TNRC6A: variants seen among roughly 807,000 people sequenced by gnomAD.
TNRC6A encodes trinucleotide repeat-containing gene 6A protein.
In TNRC6A, 44 loss-of-function variants were observed where a neutral mutation model predicts 221.2. The observed-to-expected ratio is 0.20, with a 90% CI of 0.16 to 0.26. The LOEUF (loss-of-function observed/expected upper bound fraction) is 0.26, where lower values mean the gene tolerates loss of function less well. Among genes scored for constraint, TNRC6A ranks in the 10% least tolerant of loss-of-function variants. The pLI is 1.00. For missense variants in TNRC6A, 2,199 were observed against 2,404.4 expected (o/e 0.91, Z 1.79); for synonymous variants, 847 against 838.5 (o/e 1.01, Z -0.18).
intron 2 of TNRC6A, among the ~76,000 whole-genome samples, chr16:24,717,530 T>C (rs890670669): frequency 2.0e-5 from 3 of 152,128 alleles, no homozygotes; most frequent in South Asian, 4.1e-4. Context: ...GGTGAAACAA[T>C]GAATGTGCCT....
intron 2 of TNRC6A, among the ~76,000 whole-genome samples, chr16:24,745,795 T>TTCCCC (rs2056994145): frequency 8.4e-6 from 1 of 118,524 alleles, no homozygotes; most frequent in African/African-American, 3.4e-5. Context: ...GTATGTACCA[T>TTCCCC]CCCCCCCCCC....
chr16:24,672,443 A>G (rs1301161686), intron 2 of TNRC6A, among the ~76,000 whole-genome samples: 3 of 139,408 alleles, frequency 2.2e-5, no homozygotes, highest in Non-Finnish European at 3.1e-5. Flanking sequence ...TTTATTTTTT[A>G]CTTGTTTATT....
chr16:24,756,194 G>A (rs184932244), intron 3 of TNRC6A, among the ~76,000 whole-genome samples: 96 of 152,176 alleles, frequency 6.3e-4, no homozygotes, highest in Non-Finnish European at 1.3e-3. Context: ...CCAAATATTA[G>A]AAATTTGGTG....
intron 2 of TNRC6A, among the ~76,000 whole-genome samples, chr16:24,646,678 G>A (rs1023224344): frequency 6.6e-6 from 1 of 152,146 alleles, no homozygotes; most frequent in Non-Finnish European, 1.5e-5. Flanking sequence ...TGTAAAAGAT[G>A]TTTTTAAAAT....
intron 2 of TNRC6A, among the ~76,000 whole-genome samples, chr16:24,666,449 G>C (rs1477708675): frequency 6.9e-6 from 1 of 145,394 alleles, no homozygotes; most frequent in Non-Finnish European, 1.5e-5. Flanking sequence ...CTCCAGCCTG[G>C]GAACAGAGCA....
chr16:24,815,022 C>T, intron 18 of TNRC6A, 125 bp from the exon 19 acceptor site: 3 of 1,014,464 alleles, frequency 3.0e-6, no homozygotes, highest in Non-Finnish European at 4.3e-6. Context: ...AAAAGAGTTA[C>T]TCTAGAGAAC....
chr16:24,787,367 A>G (rs1457553374), intron 5 of TNRC6A, among the ~76,000 whole-genome samples: 2 of 152,160 alleles, frequency 1.3e-5, no homozygotes, highest in Non-Finnish European at 2.9e-5. Flanking sequence ...TTTTCCATAA[A>G]TTAACCTGTG....
At chr16:24,632,295 A>T (rs1184005674) in intron 1 of TNRC6A, among the ~76,000 whole-genome samples, 2 of 152,174 alleles carry the variant, frequency 1.3e-5, no homozygotes, top group African/African-American at 4.8e-5. Flanking sequence ...TCCAAACCAG[A>T]ATTCTTGATT....
chr16:24,775,636 A>G (rs899487039), intron 4 of TNRC6A, among the ~76,000 whole-genome samples: 4 of 152,230 alleles, frequency 2.6e-5, no homozygotes, highest in African/African-American at 9.6e-5. Flanking sequence ...GGACACAGTA[A>G]TAACTTCACT....
chr16:24,618,054 C>T (rs1900466961), intron 1 of TNRC6A, among the ~76,000 whole-genome samples: 1 of 152,106 alleles, frequency 6.6e-6, no homozygotes, highest in African/African-American at 2.4e-5. Flanking sequence ...TGCGGCACCA[C>T]ACCCGGCTAA....
chr16:24,786,820 T>A (rs2057982292), intron 5 of TNRC6A, among the ~76,000 whole-genome samples: 1 of 152,200 alleles, frequency 6.6e-6, no homozygotes, highest in Non-Finnish European at 1.5e-5. Flanking sequence ...TAGCTGGGAC[T>A]GCAGGCGCCT....
chr16:24,723,323 G>A (rs2056442961), intron 2 of TNRC6A, among the ~76,000 whole-genome samples: 1 of 152,186 alleles, frequency 6.6e-6, no homozygotes, highest in Non-Finnish European at 1.5e-5. Flanking sequence ...GCAGGGCGCA[G>A]TGGCTCATGC....
intron 22 of TNRC6A, 87 bp downstream of exon 22, chr16:24,820,447 CG>C (rs1447459882): frequency 2.5e-6 from 3 of 1,213,036 alleles, no homozygotes; most frequent in Non-Finnish European, 3.6e-6. Context: ...GAGACCTGAA[CG>C]GTAAACTATT....
At chr16:24,769,626 G>GGCTGGTCTTGT (rs2057548421) in intron 4 of TNRC6A, among the ~76,000 whole-genome samples, 1 of 152,110 alleles carries the variant, frequency 6.6e-6, no homozygotes, top group African/African-American at 2.4e-5. Flanking sequence ...TGATCTCAGT[G>GGCTGGTCTTGT]GCTGGTCTTG....
At chr16:24,744,139 T>C (rs1346504756) in intron 2 of TNRC6A, among the ~76,000 whole-genome samples, 1 of 152,220 alleles carries the variant, frequency 6.6e-6, no homozygotes, top group Non-Finnish European at 1.5e-5. Flanking sequence ...TATTTCCTTA[T>C]GACCTGATCA....
intron 2 of TNRC6A, among the ~76,000 whole-genome samples, chr16:24,719,864 C>T (rs1358404505): frequency 6.7e-6 from 1 of 149,466 alleles, no homozygotes; most frequent in African/African-American, 2.5e-5. Flanking sequence ...AAAATTTAAA[C>T]AAGCGACAGT....
At chr16:24,648,857 T>C in intron 2 of TNRC6A, among the ~76,000 whole-genome samples, 1 of 152,208 alleles carries the variant, frequency 6.6e-6, no homozygotes. Flanking sequence ...CACCTTATTC[T>C]CATAAAATTT....
chr16:24,790,569 T>G lies in TNRC6A; in HGVS notation c.1927T>G (p.Ser643Ala). 6.2e-7 allele frequency: 1 copy of G among 1,614,130 alleles called. No homozygotes were observed. Among genetic ancestry groups the G allele is most frequent in the Middle Eastern group, 1.6e-4 (1 of 6,062 alleles). The change falls in exon 6 of 25, where the codon TCT (serine) becomes GCT (alanine). Residue 643 changes from serine to alanine, a missense_variant. This residue lies in a region of TNRC6A where 1,405 missense variants were observed against 1,400.2 expected (regional missense o/e 1.00). Transcript: ENST00000395799. ...NGKTFTNGWK[S>A]TEEEDQGSAT... ...TAAGACGTTTACAAATGGATGGAAATCTACTGAGGAAGAGGATCAGGGTTC... is the reference window on the plus strand; with the variant it reads ...TAAGACGTTTACAAATGGATGGAAAGCTACTGAGGAAGAGGATCAGGGTTC...
chr16:24,804,554 A>T, intron 12 of TNRC6A, 151 bp from the exon 13 acceptor site: 1 of 1,271,554 alleles, frequency 7.9e-7, no homozygotes, highest in Non-Finnish European at 1.1e-6. Context: ...TGTGTGCTCT[A>T]GAATTAACAC....
Sources: allele counts gnomAD v4.1 joint callset (sites outside exome capture counted in the v4.1 genomes callset), GRCh38; gene constraint gnomAD v4.1.1; regional missense constraint gnomAD v4.1.1; transcripts MANE v1.5; gene names NCBI Gene and HGNC (gene_info 2026-07-23, HGNC 2026-07-21).